Variants in SKAP1 observed in about 807,000 individuals in gnomAD.
SKAP1 encodes src kinase associated phosphoprotein 1, also known as src kinase-associated phosphoprotein 1.
SKAP1 carries 44 observed loss-of-function variants against 58.5 expected under a neutral mutation model. The observed-to-expected ratio is 0.75, with a 90% CI of 0.59 to 0.97. The LOEUF is 0.97. SKAP1 is among the 50% of genes least tolerant of loss of function. The probability of loss-of-function intolerance (pLI) is 0.00; values close to 1 mark genes in which losing one functional copy is unlikely to be tolerated. For synonymous variants in SKAP1, 127 were observed against 149.7 expected (o/e 0.85, Z 1.11); for missense variants, 390 against 435.2 (o/e 0.90, Z 0.92).
At chr17:48,286,874 G>T (rs545782765) in intron 4 of SKAP1, among the ~76,000 whole-genome samples, 6 of 152,252 alleles carry the variant, frequency 3.9e-5, no homozygotes, top group Non-Finnish European at 7.4e-5. Context: ...AAGGCGGGTG[G>T]ATCACGAGGT....
intron 4 of SKAP1, among the ~76,000 whole-genome samples, chr17:48,304,456 T>A (rs1567860703): frequency 1.3e-5 from 2 of 152,170 alleles, no homozygotes; most frequent in Non-Finnish European, 2.9e-5. Context: ...ATGTAGAAGT[T>A]ATAGAAGGTA....
chr17:48,268,840 G>T (rs959572278), intron 4 of SKAP1, among the ~76,000 whole-genome samples: 4 of 151,922 alleles, frequency 2.6e-5, no homozygotes, highest in African/African-American at 9.7e-5. Context: ...ACCACAGTAA[G>T]ATTTTTAAGT....
intron 2 of SKAP1, among the ~76,000 whole-genome samples, chr17:48,373,453 G>T (rs1178916206): frequency 3.3e-5 from 5 of 152,114 alleles, no homozygotes; most frequent in African/African-American, 1.2e-4. Flanking sequence ...AGGTCTACTT[G>T]GTTCCAGAGC....
intron 1 of SKAP1, among the ~76,000 whole-genome samples, chr17:48,401,115 G>C (rs1011584463): frequency 2.0e-5 from 3 of 152,142 alleles, no homozygotes; most frequent in Non-Finnish European, 2.9e-5. Context: ...AGACCAGACT[G>C]GTCAACACGG....
At position 48,174,758 on chromosome 17, in the gene SKAP1, A is replaced by C. The variant is rs575432082; in HGVS notation, c.827-4099T>G. ...ACATCTTCATTTAAGAGTGAATTAA[A>C]ATTTATGTGCTAGCTCAACTTTAAA... On this transcript the variant is annotated intron_variant, in intron 9 of 12. Transcript: ENST00000336915. Among the ~76,000 whole-genome samples the C allele has an allele frequency of 3.3e-5, 5 of 152,346 alleles. No homozygotes were observed. The South Asian group carries it at 1.0e-3, about 32-fold the overall frequency.
chr17:48,182,380 A>G lies in SKAP1; in HGVS notation c.631+14T>C. The G allele has an allele frequency of 6.4e-7, 1 of 1,569,402 alleles. No homozygotes were observed. Among genetic ancestry groups the G allele is most frequent in the Non-Finnish European group, 8.7e-7 (1 of 1,144,962 alleles). ...AATCAACTCAAGTATTATTTCTGTA[A>G]CAATGACACTTACCCTTTAACAAGA... On this transcript the variant is annotated intron_variant, in intron 8 of 12. Transcript: ENST00000336915.
rs781068766 is a variant in SKAP1 at position 48,268,415 on chromosome 17, T to C, written c.280+77490A>G. On this transcript the variant is annotated intron_variant, in intron 4 of 12. Transcript: ENST00000336915. ...ATAATGTGTATTCATTGCTGTCATA[T>C]CTGACACAGAGCTGCTGCGGAAAAT... Among the ~76,000 whole-genome samples, 10 of 152,216 alleles carry C rather than the reference T, an allele frequency of 6.6e-5. No individual in the cohort carries two copies. The South Asian group carries it at 8.3e-4, about 13-fold the overall frequency.
At chr17:48,222,624 C>T (rs1454418428) in intron 4 of SKAP1, among the ~76,000 whole-genome samples, 1 of 151,764 alleles carries the variant, frequency 6.6e-6, no homozygotes, top group Non-Finnish European at 1.5e-5. Flanking sequence ...GGATTACAGG[C>T]CCCTGCCACC....
chr17:48,363,476 T>G (rs1004842274), intron 3 of SKAP1, among the ~76,000 whole-genome samples: 1 of 152,330 alleles, frequency 6.6e-6, no homozygotes, highest in African/African-American at 2.4e-5. Context: ...TGGACTTGGC[T>G]ACCATTTTAT....
At chr17:48,371,787 T>C (rs781415091) in intron 2 of SKAP1, among the ~76,000 whole-genome samples, 1 of 145,430 alleles carries the variant, frequency 6.9e-6, no homozygotes, top group Non-Finnish European at 1.5e-5. Flanking sequence ...CAGTGAGCCA[T>C]GATCATACCA....
chr17:48,346,122 T>A (rs2066720187), intron 3 of SKAP1, 116 bp from the exon 4 acceptor site: 1 of 538,328 alleles, frequency 1.9e-6, no homozygotes, highest in Non-Finnish European at 3.2e-6. Flanking sequence ...AAAAAGTGTA[T>A]CTTTTACTGG....
chr17:48,375,810 GTCT>G, intron 2 of SKAP1, among the ~76,000 whole-genome samples: 1 of 152,272 alleles, frequency 6.6e-6, no homozygotes, highest in East Asian at 1.9e-4. Context: ...TTGTTTGTTT[GTCT>G]TTAAGGATAA....
At chr17:48,279,757 C>T (rs1021481680) in intron 4 of SKAP1, among the ~76,000 whole-genome samples, 2 of 152,182 alleles carry the variant, frequency 1.3e-5, no homozygotes, top group Non-Finnish European at 2.9e-5. Flanking sequence ...CTTTCCCCAA[C>T]GGGGTCATCT....
chr17:48,219,510 AG>A (rs751005119), intron 4 of SKAP1, among the ~76,000 whole-genome samples: 1 of 152,208 alleles, frequency 6.6e-6, no homozygotes, highest in African/African-American at 2.4e-5. Flanking sequence ...CCAGTTTAAA[AG>A]TCTCTCTGAA....
chr17:48,243,944 C>T (rs1036530902), intron 4 of SKAP1, among the ~76,000 whole-genome samples: 2 of 151,592 alleles, frequency 1.3e-5, no homozygotes, highest in African/African-American at 4.9e-5. Flanking sequence ...GTCTCCTCCT[C>T]TAAGAAAAAG....
At chr17:48,371,855 A>G (rs2067092134) in intron 2 of SKAP1, among the ~76,000 whole-genome samples, 2 of 151,760 alleles carry the variant, frequency 1.3e-5, no homozygotes. Context: ...AAAGAAAAGA[A>G]AAAGAAAAAA....
intron 4 of SKAP1, among the ~76,000 whole-genome samples, chr17:48,250,000 A>G (rs2065343809): frequency 6.6e-6 from 1 of 151,712 alleles, no homozygotes; most frequent in South Asian, 2.1e-4. Context: ...TGCCTGAAGC[A>G]TCCTATCCAG....
chr17:48,359,637 C>T (rs1453827431), intron 3 of SKAP1, among the ~76,000 whole-genome samples: 1 of 152,094 alleles, frequency 6.6e-6, no homozygotes, highest in Non-Finnish European at 1.5e-5. Context: ...GACAAGGTCT[C>T]GCTCGGTCTC....
intron 4 of SKAP1, among the ~76,000 whole-genome samples, chr17:48,266,513 C>CTTTTT (rs67981214): frequency 7.2e-6 from 1 of 138,536 alleles, no homozygotes; most frequent in African/African-American, 2.7e-5. Flanking sequence ...TTCTTACTTT[C>CTTTTT]TTTTTTTTTT....
Sources: gnomAD v4.1 joint callset for allele counts (sites outside exome capture counted in the v4.1 genomes callset) on GRCh38, gnomAD v4.1.1 for gene constraint, MANE v1.5 for transcripts, NCBI Gene and HGNC (gene_info 2026-07-23, HGNC 2026-07-21) for gene names.